Variants in SLC24A2 observed in about 807,000 individuals in gnomAD.
SLC24A2 encodes solute carrier family 24 member 2.
In SLC24A2, 36 loss-of-function variants were observed where a neutral mutation model predicts 62.0. The ratio of observed to expected loss-of-function variants is 0.58; its 90% confidence interval spans 0.44 to 0.77. SLC24A2 has a LOEUF of 0.77. Ranked by LOEUF, SLC24A2 falls within the 30% of genes least tolerant of loss-of-function variation. The pLI is 0.00. For missense variants in SLC24A2, 846 were observed against 817.9 expected (o/e 1.03, Z -0.42); for synonymous variants, 358 against 294.0 (o/e 1.22, Z -2.23).
At chr9:20,253,868 G>A in the SLC24A2 span, among the ~76,000 whole-genome samples, 1 of 152,044 alleles carries the variant, frequency 6.6e-6, no homozygotes. Flanking sequence ...ACCCGTTCTG[G>A]GCACCGCAAT....
At chr9:20,186,006 C>T in the SLC24A2 span, among the ~76,000 whole-genome samples, 10 of 152,128 alleles carry the variant, frequency 6.6e-5, no homozygotes, top group Non-Finnish European at 1.2e-4. Flanking sequence ...GGGGCTTACA[C>T]CAAGTGGTCA....
chr9:19,721,584 T>C (rs1170991162), intron 2 of SLC24A2, among the ~76,000 whole-genome samples: 15 of 152,084 alleles, frequency 9.9e-5, no homozygotes, highest in Non-Finnish European at 2.9e-5. Context: ...AATAAAGAAA[T>C]TAAATAATAA....
the SLC24A2 span, among the ~76,000 whole-genome samples, chr9:20,134,399 G>C: frequency 6.6e-6 from 1 of 152,104 alleles, no homozygotes; most frequent in Non-Finnish European, 1.5e-5. Context: ...CTTCCAATGA[G>C]AAGGGAGGAA....
the SLC24A2 span, among the ~76,000 whole-genome samples, chr9:20,222,453 T>A: frequency 2.0e-5 from 3 of 152,184 alleles, no homozygotes; most frequent in East Asian, 5.8e-4. Flanking sequence ...TGTTTTGGTA[T>A]CCCATCTGGT....
chr9:19,895,882 A>G, the SLC24A2 span: 9 of 1,613,352 alleles, frequency 5.6e-6, no homozygotes, highest in Non-Finnish European at 7.6e-6. Flanking sequence ...GGCCTCGGCC[A>G]GTGTGATGCG....
At position 19,507,904 on chromosome 9, in the gene SLC24A2, A is replaced by G. The variant is rs1359532426; in HGVS notation, c.*8249T>C. 6.6e-6 allele frequency: 1 copy of G among 152,254 alleles called. No homozygotes were observed. Among genetic ancestry groups the G allele is most frequent in the Non-Finnish European group, 1.5e-5 (1 of 68,044 alleles). 9.4% of individuals were successfully genotyped at this position (152,254 alleles called of 1,614,324 possible). ...AAAAAAGATCCTTTACAAAAATGGCATTCTGATATTTTTAACATAACCTGT... is the reference window on the plus strand; with the variant it reads ...AAAAAAGATCCTTTACAAAAATGGCGTTCTGATATTTTTAACATAACCTGT... On this transcript the variant is annotated 3_prime_UTR_variant, in exon 11 of 11. Transcript: ENST00000341998.
At chr9:19,646,842 T>C (rs1443371036) in intron 2 of SLC24A2, among the ~76,000 whole-genome samples, 3 of 152,034 alleles carry the variant, frequency 2.0e-5, no homozygotes, top group East Asian at 3.9e-4. Flanking sequence ...CCAAAACACA[T>C]ATATGTACAC....
At chr9:20,075,125 T>C in the SLC24A2 span, among the ~76,000 whole-genome samples, 1 of 152,208 alleles carries the variant, frequency 6.6e-6, no homozygotes, top group Admixed American at 6.5e-5. Context: ...GCATTACTAC[T>C]TTTATTGCTT....
the SLC24A2 span, among the ~76,000 whole-genome samples, chr9:20,028,568 C>A: frequency 1.1e-4 from 16 of 152,274 alleles, 1 homozygote; most frequent in African/African-American, 3.9e-4. Context: ...TCCAAAGGAC[C>A]CAAATGGCTC....
chr9:19,857,290 C>T, the SLC24A2 span, among the ~76,000 whole-genome samples: 1 of 152,224 alleles, frequency 6.6e-6, no homozygotes, highest in Non-Finnish European at 1.5e-5. Flanking sequence ...CTAACTTTCT[C>T]TTCTAAGGAC....
chr9:20,122,309 G>C, the SLC24A2 span, among the ~76,000 whole-genome samples: 1 of 152,196 alleles, frequency 6.6e-6, no homozygotes, highest in African/African-American at 2.4e-5. Context: ...CTGCACACTT[G>C]CTGACAATCA....
At chr9:19,730,209 T>C (rs1564067964) in intron 2 of SLC24A2, among the ~76,000 whole-genome samples, 1 of 152,162 alleles carries the variant, frequency 6.6e-6, no homozygotes. Flanking sequence ...GCCTTTAATG[T>C]AGAATGAGTC....
chr9:19,758,517 T>C (rs948073752), intron 2 of SLC24A2, among the ~76,000 whole-genome samples: 1 of 152,204 alleles, frequency 6.6e-6, no homozygotes, highest in Non-Finnish European at 1.5e-5. Context: ...TTATTTTCAG[T>C]AGGTCTTTAC....
At chr9:19,712,094 A>G (rs1820730935) in intron 2 of SLC24A2, among the ~76,000 whole-genome samples, 1 of 152,212 alleles carries the variant, frequency 6.6e-6, no homozygotes, top group Non-Finnish European at 1.5e-5. Context: ...TAGGTGTCTC[A>G]GCACAAAAAG....
chr9:20,100,021 C>A, the SLC24A2 span, among the ~76,000 whole-genome samples: 2,122 of 151,022 alleles, frequency 0.014, 20 homozygotes, highest in Non-Finnish European at 0.022. Context: ...TCCTATTCAT[C>A]TTTTTTTTTC....
Position 19,616,658 on chromosome 9 carries a change from C to T in SLC24A2, c.1078+2926G>A, listed in dbSNP as rs192965256. Among the ~76,000 whole-genome samples the T allele has an allele frequency of 2.0e-5, 3 of 152,276 alleles. 1 individual carries two copies. Among genetic ancestry groups the T allele is most frequent in the Admixed American group, 2.0e-4 (3 of 15,290 alleles). ...TCATCGCTAGTATGTACCAGGTATT[C>T]TTCTAGGCTTTGTGGGTAACTAGTG... On this transcript the variant is annotated intron_variant, in intron 4 of 10. Coordinates refer to ENST00000341998, the MANE Select transcript of SLC24A2 (RefSeq NM_020344.4).
chr9:19,519,349 TTGTGTG>T (rs10640008), intron 10 of SLC24A2, among the ~76,000 whole-genome samples: 4 of 147,580 alleles, frequency 2.7e-5, no homozygotes, highest in Admixed American at 6.8e-5. Flanking sequence ...TTAAACTTCC[TTGTGTG>T]TGTGTGTGTG....
chr9:20,274,878 G>T, the SLC24A2 span, among the ~76,000 whole-genome samples: 1 of 152,018 alleles, frequency 6.6e-6, no homozygotes, highest in Admixed American at 6.6e-5. Flanking sequence ...GGTGGTACTA[G>T]ACATCAGTCA....
At chr9:19,974,971 G>T in the SLC24A2 span, among the ~76,000 whole-genome samples, 8 of 152,266 alleles carry the variant, frequency 5.3e-5, no homozygotes, top group Admixed American at 3.9e-4. Context: ...TGGGAGGAAG[G>T]CTCCTTTTTA....
Sources: gnomAD v4.1 joint callset for allele counts (sites outside exome capture counted in the v4.1 genomes callset) on GRCh38, gnomAD v4.1.1 for gene constraint, MANE v1.5 for transcripts, NCBI Gene and HGNC (gene_info 2026-07-23, HGNC 2026-07-21) for gene names.